Variants in LRRC1 observed in about 807,000 individuals in gnomAD.
LRRC1 encodes the protein leucine rich repeat containing 1, also known as leucine-rich repeat-containing protein 1.
Under a neutral mutation model 69.9 loss-of-function variants are expected in LRRC1, and 28 were observed. That is an observed-to-expected ratio of 0.40 (90% CI 0.30 to 0.55). The LOEUF (loss-of-function observed/expected upper bound fraction) is 0.55. Among genes scored for constraint, LRRC1 ranks in the 20% least tolerant of loss-of-function variants. The probability of loss-of-function intolerance (pLI) is 0.47; values close to 1 mark genes in which losing one functional copy is unlikely to be tolerated. For missense variants in LRRC1, 498 were observed against 609.0 expected (o/e 0.82, Z 1.92); for synonymous variants, 236 against 240.2 (o/e 0.98, Z 0.16).
At chr6:53,921,272 A>C (rs1218970124) in intron 13 of LRRC1, among the ~76,000 whole-genome samples, 2 of 152,022 alleles carry the variant, frequency 1.3e-5, no homozygotes, top group Non-Finnish European at 2.9e-5. Flanking sequence ...CCGGCCTGTT[A>C]TTGTTGTGTT....
At position 53,807,389 on chromosome 6, in the gene LRRC1, G is replaced by T. The variant is rs151337202; in HGVS notation, c.159+11974G>T. ...CTGTCTGTATGGAGCTTCCATTCTA[G>T]GTAAGGATGGAAAACAGATAAGAAA... On this transcript the variant is annotated intron_variant, in intron 1 of 13. Transcript: ENST00000370888. Among the ~76,000 whole-genome samples the T allele has an allele frequency of 7.2e-5, 11 of 152,282 alleles. No homozygotes were observed. The East Asian group carries it at 1.9e-3, about 27-fold the overall frequency.
rs145751111 is a variant in LRRC1 at position 53,920,689 on chromosome 6, C to T, written c.1344C>T (p.Asn448=). The T allele has an allele frequency of 2.0e-4, 327 of 1,614,084 alleles. No homozygotes were observed. The African/African-American group carries it at 2.0e-3, about 10-fold the overall frequency. Residue 448 remains asparagine, a synonymous_variant, in exon 13 of 14, where the codon AAC becomes AAT. Coordinates refer to ENST00000370888, the MANE Select transcript of LRRC1 (RefSeq NM_018214.5). ...LVNDVSDEAW[N]ERAVNRVSAI... is the part of the protein sequence containing the mutation. ...ATGATGTCTCTGATGAAGCCTGGAACGAGCGTGCTGTCAACAGAGTCAGTG... is the reference window on the plus strand; with the variant it reads ...ATGATGTCTCTGATGAAGCCTGGAATGAGCGTGCTGTCAACAGAGTCAGTG...
At chr6:53,873,502 C>A (rs1034393560) in intron 2 of LRRC1, among the ~76,000 whole-genome samples, 1 of 149,112 alleles carries the variant, frequency 6.7e-6, no homozygotes, top group African/African-American at 2.5e-5. Flanking sequence ...GGTTTCACTG[C>A]GCTAGCCAGG....
chr6:53,859,950 C>T (rs1386818137), intron 2 of LRRC1, among the ~76,000 whole-genome samples: 1 of 152,178 alleles, frequency 6.6e-6, no homozygotes, highest in Admixed American at 6.5e-5. Context: ...ACAACCATAG[C>T]CAATGACCAA....
intron 1 of LRRC1, among the ~76,000 whole-genome samples, chr6:53,838,652 C>A (rs1444166071): frequency 6.6e-6 from 1 of 152,160 alleles, no homozygotes; most frequent in Non-Finnish European, 1.5e-5. Flanking sequence ...CTCAATTATT[C>A]AAATACGTGA....
Position 53,922,722 on chromosome 6 carries a change from G to C in LRRC1, c.1504G>C (p.Ala502Pro). 2 of 1,614,078 alleles carry C rather than the reference G, an allele frequency of 1.2e-6. No individual in the cohort carries two copies. The highest frequency in any genetic ancestry group is 1.7e-6 in the Non-Finnish European group (2 of 1,179,936). ...GGAGAATTTACGGAATGACATGAAT[G>C]CTGCTAAAGGACTGGACTCAAACAA... The part of the protein sequence containing the change: ...TVENLRNDMN[A>P]AKGLDSNKNE... Residue 502 changes from alanine (A) to proline (P), a missense_variant, in exon 14 of 14, where the codon GCT (alanine) becomes CCT (proline). By Grantham distance (27) the Ala-to-Pro change is conservative. Transcript: ENST00000370888.
At chr6:53,803,831 G>A (rs1405213809) in intron 1 of LRRC1, among the ~76,000 whole-genome samples, 1 of 152,154 alleles carries the variant, frequency 6.6e-6, no homozygotes, top group East Asian at 1.9e-4. Flanking sequence ...CTCCTTGATT[G>A]TGTGGCTGAA....
At chr6:53,873,571 C>G (rs868272589) in intron 2 of LRRC1, among the ~76,000 whole-genome samples, 30 of 151,640 alleles carry the variant, frequency 2.0e-4, no homozygotes, top group African/African-American at 7.3e-4. Context: ...AGCGCTGGGA[C>G]CACAGGCGCG....
chr6:53,872,748 TTC>T (rs1766932314), intron 2 of LRRC1, among the ~76,000 whole-genome samples: 1 of 149,442 alleles, frequency 6.7e-6, no homozygotes, highest in African/African-American at 2.5e-5. Context: ...CAATTTTCTT[TTC>T]TCTTTTTTTT....
At chr6:53,801,048 T>A (rs750394922) in intron 1 of LRRC1, among the ~76,000 whole-genome samples, 38 of 152,222 alleles carry the variant, frequency 2.5e-4, no homozygotes, top group Non-Finnish European at 5.4e-4. Context: ...CCTTTAATTG[T>A]CTCTAGCTAG....
intron 1 of LRRC1, among the ~76,000 whole-genome samples, chr6:53,826,360 C>T (rs1765258085): frequency 6.6e-6 from 1 of 152,056 alleles, no homozygotes; most frequent in African/African-American, 2.4e-5. Flanking sequence ...CTTTCCAAGC[C>T]AGCTTGAAAT....
intron 1 of LRRC1, among the ~76,000 whole-genome samples, chr6:53,823,632 C>A (rs1172246070): frequency 6.6e-6 from 1 of 152,082 alleles, no homozygotes; most frequent in Admixed American, 6.6e-5. Flanking sequence ...AGTTATTTTT[C>A]TTGATCCTCT....
chr6:53,887,142 C>T (rs865919528), intron 4 of LRRC1, among the ~76,000 whole-genome samples: 5 of 151,882 alleles, frequency 3.3e-5, no homozygotes, highest in African/African-American at 9.7e-5. Context: ...TGGCCTAATG[C>T]GGCTGTACTC....
chr6:53,885,534 T>C (rs902527970), intron 4 of LRRC1, among the ~76,000 whole-genome samples: 6 of 152,210 alleles, frequency 3.9e-5, no homozygotes, highest in African/African-American at 1.2e-4. Context: ...TGATGTGGAA[T>C]CCTTACATAA....
intron 2 of LRRC1, among the ~76,000 whole-genome samples, chr6:53,846,345 TAGAG>T (rs1486546271): frequency 6.6e-6 from 1 of 152,218 alleles, no homozygotes; most frequent in African/African-American, 2.4e-5. Flanking sequence ...GAAGGACAAG[TAGAG>T]AGCCTTGGGA....
intron 7 of LRRC1, among the ~76,000 whole-genome samples, chr6:53,897,745 G>A (rs1767922949): frequency 6.6e-6 from 1 of 152,132 alleles, no homozygotes; most frequent in Non-Finnish European, 1.5e-5. Context: ...ACCATGTTTT[G>A]CCCCATAATA....
chr6:53,913,739 T>TA, intron 10 of LRRC1, 115 bp from the exon 11 acceptor site: 1 of 546,946 alleles, frequency 1.8e-6, no homozygotes, highest in Non-Finnish European at 3.3e-6. Context: ...ACCGGTGAGT[T>TA]ATGTGGTATA....
intron 2 of LRRC1, among the ~76,000 whole-genome samples, chr6:53,872,041 GC>G (rs2127427349): frequency 6.6e-6 from 1 of 152,236 alleles, no homozygotes; most frequent in Admixed American, 6.5e-5. Context: ...ATGCCATGAA[GC>G]ATTTCTCCTG....
At chr6:53,809,587 A>G (rs1420635087) in intron 1 of LRRC1, among the ~76,000 whole-genome samples, 4 of 152,236 alleles carry the variant, frequency 2.6e-5, no homozygotes, top group Admixed American at 2.6e-4. Flanking sequence ...AGGTAAATAC[A>G]GCAGAAGATA....
Sources: allele counts gnomAD v4.1 joint callset (sites outside exome capture counted in the v4.1 genomes callset), GRCh38; gene constraint gnomAD v4.1.1; transcripts MANE v1.5; gene names NCBI Gene and HGNC (gene_info 2026-07-23, HGNC 2026-07-21).